The following REEP6 variants were observed in gnomAD, a reference collection of about 807,000 sequenced individuals.
The protein encoded by REEP6 is receptor accessory protein 6.
Under a neutral mutation model 22.4 loss-of-function variants are expected in REEP6, and 19 were observed. The ratio of observed to expected loss-of-function variants is 0.85; its 90% CI spans 0.59 to 1.25. The LOEUF (loss-of-function observed/expected upper bound fraction) is 1.25. Among genes scored for constraint, REEP6 ranks in the 50% most tolerant of loss-of-function variants. The pLI is 0.00. For synonymous variants in REEP6, 121 were observed against 113.6 expected, an observed-to-expected ratio of 1.06 and a Z score of -0.41; for missense variants, 273 against 251.9, an observed-to-expected ratio of 1.08 and a Z score of -0.57.
At position 1,496,414 on chromosome 19, in the gene REEP6, G is replaced by C. The variant is rs762749014; in HGVS notation, c.478G>C (p.Gly160Arg). ...AVDRIMNDLS[G>R]RALDAAAGIT... ...AGACAGAATCATGAACGACCTCAGCGGGCGAGCCCTGGACGCGGCGGCCGG... is the reference window on the plus strand; with the variant it reads ...AGACAGAATCATGAACGACCTCAGCCGGCGAGCCCTGGACGCGGCGGCCGG... Residue 160 changes from glycine (G) to arginine (R), a missense_variant, in exon 4 of 5, where the codon GGG becomes CGG. Coordinates refer to ENST00000233596, the MANE Select transcript of REEP6 (RefSeq NM_138393.4). 1.2e-6 allele frequency: 2 copies of C among 1,612,924 alleles called. No individual in the cohort carries two copies. The highest frequency in any genetic ancestry group is 1.7e-6 in the Non-Finnish European group (2 of 1,179,832).
rs1176692405 is a variant in REEP6 at position 1,491,341 on chromosome 19, G to A, written c.72G>A (p.Ala24=). 2.0e-6 allele frequency: 3 copies of A among 1,480,536 alleles called. No homozygotes were observed. The highest frequency in any genetic ancestry group is 2.7e-6 in the Non-Finnish European group (3 of 1,116,362). The allele number at this position is 1,480,536 out of a possible 1,614,324, so 91.7% of individuals were successfully genotyped here. A position where few individuals can be genotyped will look rare whatever the true frequency, so the allele number is the denominator to read the frequency against. ...QRNLVTEVLG[A]LEAKTGVEKR... Reference sequence around the variant, plus strand: ...ACCTGGTCACCGAAGTGCTGGGGGCGCTGGAGGCCAAGACCGGGGTGGAGA... The same window carrying A: ...ACCTGGTCACCGAAGTGCTGGGGGCACTGGAGGCCAAGACCGGGGTGGAGA... Residue 24 remains alanine, a synonymous_variant, in exon 1 of 5, where the codon GCG becomes GCA. Transcript: ENST00000233596. The surrounding 1 kb of genome is among the most constrained non-coding windows in gnomAD (Gnocchi z 5.4).
chr19:1,493,245 C>G (rs1022838273), intron 1 of REEP6, among the ~76,000 whole-genome samples: 1 of 152,150 alleles, frequency 6.6e-6, no homozygotes, highest in Non-Finnish European at 1.5e-5. Context: ...GAGCCAGGCC[C>G]GGGGAGAGAT....
rs1472449594 is a variant in REEP6, at chr19:1,491,612, C to T, written c.115+228C>T. Among the ~76,000 whole-genome samples the T allele has an allele frequency of 6.6e-6, 1 of 152,234 alleles. No individual in the cohort carries two copies. Among genetic ancestry groups the T allele is most frequent in the Admixed American group, 6.5e-5 (1 of 15,288 alleles). ...TCCGCCCCTGGCCGCCCCCCGACGC[C>T]TCCTTCCGGGCGCTGGGTGCCTGCC... On this transcript the variant is annotated intron_variant, in intron 1 of 4. Coordinates refer to ENST00000233596, the MANE Select transcript of REEP6 (RefSeq NM_138393.4). This position sits in a 1 kb window ranked among gnomAD's most constrained non-coding sequence, Gnocchi z 5.4.
At position 1,491,289 on chromosome 19, in the gene REEP6, G is replaced by T; in HGVS notation, c.20G>T (p.Arg7Leu). The change falls in exon 1 of 5, where the codon CGC becomes CTC. Residue 7 changes from arginine (R) to leucine (L), a missense_variant. By Grantham distance (102) the Arg-to-Leu change is moderately radical. Coordinates refer to ENST00000233596, the MANE Select transcript of REEP6 (RefSeq NM_138393.4). This position sits in a 1 kb window ranked among gnomAD's most constrained non-coding sequence, Gnocchi z 5.4. MDGLRQRVEHFLEQRNL... is the reference protein window; with the variant it reads MDGLRQLVEHFLEQRNL... ...GGGGCCATGGACGGCCTGAGGCAGC[G>T]CGTGGAGCACTTCCTGGAGCAAAGG... The T allele has an allele frequency of 1.4e-6, 2 of 1,469,814 alleles. No homozygotes were observed. The highest frequency in any genetic ancestry group is 1.3e-5 in the South Asian group (1 of 74,860). The allele number at this position is 1,469,814 out of a possible 1,614,324, so 91.0% of individuals were successfully genotyped here. A position where few individuals can be genotyped will look rare whatever the true frequency, so the allele number is the denominator to read the frequency against.
Position 1,491,324 on chromosome 19 carries a change from A to C in REEP6, c.55A>C (p.Thr19Pro). ...CTTCCTGGAGCAAAGGAACCTGGTC[A>C]CCGAAGTGCTGGGGGCGCTGGAGGC... ...EHFLEQRNLVTEVLGALEAKT... is the reference protein window; with the variant it reads ...EHFLEQRNLVPEVLGALEAKT... The change falls in exon 1 of 5, where the codon ACC becomes CCC. Residue 19 changes from threonine (T) to proline (P), a missense_variant. Coordinates refer to ENST00000233596, the MANE Select transcript of REEP6 (RefSeq NM_138393.4). The surrounding 1 kb of genome is among the most constrained non-coding windows in gnomAD (Gnocchi z 5.4). 1.4e-6 allele frequency: 2 copies of C among 1,479,592 alleles called. No individual in the cohort carries two copies. The highest frequency in any genetic ancestry group is 2.6e-5 in the South Asian group (2 of 75,910). 91.7% of individuals were successfully genotyped at this position (1,479,592 alleles called of 1,614,324 possible). A position where few individuals can be genotyped will look rare whatever the true frequency, so the allele number is the denominator to read the frequency against.
In REEP6 at chr19:1,495,159, A is replaced by G. The variant is rs1019316849; in HGVS notation, c.116-135A>G. 5.3e-6 allele frequency: 4 copies of G among 751,250 alleles called. No individual in the cohort carries two copies. In the Admixed American group the frequency reaches 6.0e-5, roughly 11 times the overall value. 46.5% of individuals were successfully genotyped at this position (751,250 alleles called of 1,614,324 possible). A position where few individuals can be genotyped will look rare whatever the true frequency, so the allele number is the denominator to read the frequency against. On this transcript the variant is annotated intron_variant, in intron 1 of 4. Coordinates refer to ENST00000233596, the MANE Select transcript of REEP6 (RefSeq NM_138393.4). The stretch of plus-strand genomic sequence containing the variant: ...GGGGATGTACAGGCACATCAGGGGC[A>G]GTGGACATATCCTGGAGGCGGCTCC...
At chr19:1,494,091 A>G (rs1443664292) in intron 1 of REEP6, among the ~76,000 whole-genome samples, 3 of 152,158 alleles carry the variant, frequency 2.0e-5, no homozygotes, top group African/African-American at 7.2e-5. Flanking sequence ...ATAAATAGAA[A>G]TAAACGTGCA....
chr19:1,494,145 GC>G (rs1271490726), intron 1 of REEP6, among the ~76,000 whole-genome samples: 1 of 152,198 alleles, frequency 6.6e-6, no homozygotes, highest in Non-Finnish European at 1.5e-5. Flanking sequence ...GGAGGCAGGG[GC>G]CATTACTACT....
Position 1,497,690 on chromosome 19 carries a change from C to A in REEP6, c.*479C>A. The A allele has an allele frequency of 2.1e-6, 1 of 474,994 alleles. No homozygotes were observed. Among genetic ancestry groups the A allele is most frequent in the Non-Finnish European group, 4.3e-6 (1 of 230,024 alleles). 29.4% of individuals were successfully genotyped at this position (474,994 alleles called of 1,614,324 possible). ...GCAAGTCCTCTGGCAAGCCGGAGGA[C>A]GCAGCCCCCAAGACCAGCGGACAGC... On this transcript the variant is annotated 3_prime_UTR_variant, in exon 5 of 5. Transcript: ENST00000233596. The surrounding 1 kb of genome is among the most constrained non-coding windows in gnomAD (Gnocchi z 6.5).
chr19:1,493,347 C>A (rs1465180514), intron 1 of REEP6, among the ~76,000 whole-genome samples: 1 of 152,146 alleles, frequency 6.6e-6, no homozygotes, highest in Non-Finnish European at 1.5e-5. Context: ...GGGACAGTGA[C>A]TGGGAGGCCA....
At position 1,491,530 on chromosome 19, in the gene REEP6, C is replaced by T. The variant is rs113674610; in HGVS notation, c.115+146C>T. The T allele has an allele frequency of 6.9e-4, 338 of 487,320 alleles. 2 individuals are homozygous for T. The highest frequency in any genetic ancestry group is 5.9e-3 in the African/African-American group (296 of 49,796). The allele number at this position is 487,320 out of a possible 1,614,324, so 30.2% of individuals were successfully genotyped here. ...TGACTGGGACCTCGAGGTCCGCCCGCAGCCCTTCCCTTGCCCGCGCCCTGC... is the reference window on the plus strand; with the variant it reads ...TGACTGGGACCTCGAGGTCCGCCCGTAGCCCTTCCCTTGCCCGCGCCCTGC... On this transcript the variant is annotated intron_variant, in intron 1 of 4. Transcript: ENST00000233596. This position sits in a 1 kb window ranked among gnomAD's most constrained non-coding sequence, Gnocchi z 5.4.
At chr19:1,492,218 G>A (rs1473043213) in intron 1 of REEP6, among the ~76,000 whole-genome samples, 2 of 152,046 alleles carry the variant, frequency 1.3e-5, no homozygotes, top group African/African-American at 2.4e-5. Flanking sequence ...GGGTTCAAGC[G>A]ATTCTCCTGC....
chr19:1,495,716 G>A lies in REEP6; in HGVS notation c.348+109G>A, dbSNP rs2085000996. 4 of 1,463,714 alleles carry A rather than the reference G, an allele frequency of 2.7e-6. No homozygotes were observed. In the East Asian group the frequency reaches 9.1e-5, roughly 33 times the overall value. The allele number at this position is 1,463,714 out of a possible 1,614,324, so 90.7% of individuals were successfully genotyped here. On this transcript the variant is annotated intron_variant, in intron 3 of 4. Transcript: ENST00000233596. ...GGATACCAGGAGATGGGGGATGTGAGGGGAAGACTCAGTCCCTTCCCTGGG... is the reference window on the plus strand; with the variant it reads ...GGATACCAGGAGATGGGGGATGTGAAGGGAAGACTCAGTCCCTTCCCTGGG...
Position 1,491,444 on chromosome 19 carries a change from G to T in REEP6, c.115+60G>T. The T allele has an allele frequency of 8.4e-7, 1 of 1,188,426 alleles. No homozygotes were observed. Among genetic ancestry groups the T allele is most frequent in the Non-Finnish European group, 1.1e-6 (1 of 901,302 alleles). The allele number at this position is 1,188,426 out of a possible 1,614,324, so 73.6% of individuals were successfully genotyped here. ...GCACACCGAGGCCATGGGCCTGGGG[G>T]TCGCAGACCGGACTCCTTCCCCGGC... On this transcript the variant is annotated intron_variant, in intron 1 of 4. Transcript: ENST00000233596. The surrounding 1 kb of genome is among the most constrained non-coding windows in gnomAD (Gnocchi z 5.4).
chr19:1,493,896 T>C (rs1231311160), intron 1 of REEP6, among the ~76,000 whole-genome samples: 1 of 152,174 alleles, frequency 6.6e-6, no homozygotes, highest in Non-Finnish European at 1.5e-5. Context: ...GAGACCAGCC[T>C]GGCCAACATG....
At position 1,491,296 on chromosome 19, in the gene REEP6, G is replaced by C. The variant is rs146326095; in HGVS notation, c.27G>C (p.Glu9Asp). Residue 9 changes from glutamate to aspartate, a missense_variant, in exon 1 of 5, where the codon GAG (glutamate) becomes GAC (aspartate). Physicochemically the swap from Glu to Asp is conservative, Grantham distance 45. Coordinates refer to ENST00000233596, the MANE Select transcript of REEP6 (RefSeq NM_138393.4). This position sits in a 1 kb window ranked among gnomAD's most constrained non-coding sequence, Gnocchi z 5.4. The part of the protein sequence containing the change: MDGLRQRV[E>D]HFLEQRNLVT... ...TGGACGGCCTGAGGCAGCGCGTGGAGCACTTCCTGGAGCAAAGGAACCTGG... is the reference window on the plus strand; with the variant it reads ...TGGACGGCCTGAGGCAGCGCGTGGACCACTTCCTGGAGCAAAGGAACCTGG... The C allele has an allele frequency of 5.5e-5, 81 of 1,472,954 alleles. No individual in the cohort carries two copies. In the African/African-American group the frequency reaches 9.3e-4, roughly 17 times the overall value. 91.2% of individuals were successfully genotyped at this position (1,472,954 alleles called of 1,614,324 possible).
chr19:1,496,561 G>A lies in REEP6; in HGVS notation c.517+108G>A, dbSNP rs767240530. 273 of 1,294,776 alleles carry A rather than the reference G, an allele frequency of 2.1e-4. 3 individuals are homozygous for A. In the East Asian group the frequency reaches 6.6e-3, roughly 31 times the overall value. The allele number at this position is 1,294,776 out of a possible 1,614,324, so 80.2% of individuals were successfully genotyped here. On this transcript the variant is annotated intron_variant, in intron 4 of 4. Transcript: ENST00000233596. ...CTTTGGCCGCCCCCTCTCACTGTCC[G>A]CCTCTCTCTCTCACGCTTCCGGGAA...
Position 1,496,341 on chromosome 19 carries a change from G to C in REEP6, c.405G>C (p.Leu135=). 6.2e-7 allele frequency: 1 copy of C among 1,612,912 alleles called. No homozygotes were observed. Among genetic ancestry groups the C allele is most frequent in the Non-Finnish European group, 8.5e-7 (1 of 1,179,860 alleles). Reference sequence around the variant, plus strand: ...GGCCCTGGAACGGGGCTCTCATGCTGTATCAGCGCGTCGTGCGTCCGCTGT... The same window carrying C: ...GGCCCTGGAACGGGGCTCTCATGCTCTATCAGCGCGTCGTGCGTCCGCTGT... The part of the protein sequence containing the change: ...APRPWNGALM[L]YQRVVRPLFL... Residue 135 remains leucine, a synonymous_variant, in exon 4 of 5, where the codon CTG becomes CTC. Coordinates refer to ENST00000233596, the MANE Select transcript of REEP6 (RefSeq NM_138393.4).
chr19:1,492,855 G>T (rs1045103764), intron 1 of REEP6, among the ~76,000 whole-genome samples: 1 of 152,216 alleles, frequency 6.6e-6, no homozygotes, highest in African/African-American at 2.4e-5. Context: ...AGCGCAGCAG[G>T]TGGCATGGGC....
Sources: allele counts gnomAD v4.1 joint callset (sites outside exome capture counted in the v4.1 genomes callset), GRCh38; gene constraint gnomAD v4.1.1; non-coding constraint Gnocchi (gnomAD v3.1); transcripts MANE v1.5; gene names NCBI Gene and HGNC (gene_info 2026-07-23, HGNC 2026-07-21).